TCF7L1: variants seen among roughly 807,000 people sequenced by gnomAD.
The protein encoded by TCF7L1 is transcription factor 7-like 1.
A neutral mutation model predicts 63.7 loss-of-function variants in TCF7L1; 18 were observed. That is an observed-to-expected ratio of 0.28 (90% confidence interval 0.20 to 0.42). TCF7L1 has a LOEUF of 0.42. TCF7L1 is among the 10% of genes least tolerant of loss of function. TCF7L1 has a pLI of 1.00. For missense variants in TCF7L1, 654 were observed against 779.3 expected, an observed-to-expected ratio of 0.84 and a Z score of 1.91; for synonymous variants, 355 against 340.9, an observed-to-expected ratio of 1.04 and a Z score of -0.46.
At chr2:85,141,858 T>C (rs1217732271) in intron 3 of TCF7L1, among the ~76,000 whole-genome samples, 1 of 152,152 alleles carries the variant, frequency 6.6e-6, no homozygotes, top group Non-Finnish European at 1.5e-5. Flanking sequence ...ATGGATAGTG[T>C]GCATTGGAGG....
intron 3 of TCF7L1, among the ~76,000 whole-genome samples, chr2:85,198,504 A>G (rs530437854): frequency 6.6e-4 from 101 of 152,328 alleles, no homozygotes; most frequent in African/African-American, 2.1e-3. Context: ...TTTCAGGCCC[A>G]GACAGACTCC....
intron 3 of TCF7L1, among the ~76,000 whole-genome samples, chr2:85,168,192 AACACACAC>A (rs55736939): frequency 3.4e-5 from 5 of 145,604 alleles, no homozygotes; most frequent in African/African-American, 7.6e-5. Flanking sequence ...GTTCTTACCA[AACACACAC>A]ACACACACAC....
intron 3 of TCF7L1, among the ~76,000 whole-genome samples, chr2:85,204,144 C>T (rs146530318): frequency 5.5e-4 from 84 of 152,292 alleles, no homozygotes; most frequent in African/African-American, 1.8e-3. Flanking sequence ...TTCTTTTCCC[C>T]TCTCTGCCTA....
intron 3 of TCF7L1, among the ~76,000 whole-genome samples, chr2:85,194,706 C>T (rs1247660042): frequency 1.3e-5 from 2 of 152,050 alleles, no homozygotes; most frequent in Non-Finnish European, 2.9e-5. Flanking sequence ...CAGTGTGTGC[C>T]ATATCACAGT....
intron 3 of TCF7L1, among the ~76,000 whole-genome samples, chr2:85,253,811 T>C (rs1488976586): frequency 6.6e-6 from 1 of 152,246 alleles, no homozygotes; most frequent in Non-Finnish European, 1.5e-5. Flanking sequence ...TGGATTATAC[T>C]AATACCTTTT....
At chr2:85,135,474 G>C (rs986161635) in intron 3 of TCF7L1, among the ~76,000 whole-genome samples, 5 of 152,180 alleles carry the variant, frequency 3.3e-5, no homozygotes, top group Non-Finnish European at 7.3e-5. Context: ...GTCGACGGTG[G>C]GTAAGGGGGC....
intron 3 of TCF7L1, among the ~76,000 whole-genome samples, chr2:85,190,323 C>T (rs1679015769): frequency 2.0e-5 from 3 of 152,032 alleles, no homozygotes; most frequent in Non-Finnish European, 4.4e-5. Context: ...CTTGGAGGGA[C>T]GAAGGACATT....
chr2:85,247,232 A>G (rs1680487413), intron 3 of TCF7L1, among the ~76,000 whole-genome samples: 1 of 152,226 alleles, frequency 6.6e-6, no homozygotes, highest in African/African-American at 2.4e-5. Flanking sequence ...ATTGTTATTA[A>G]TATCACCATG....
chr2:85,283,360 A>G, intron 3 of TCF7L1, 135 bp from the exon 4 acceptor site: 1 of 819,034 alleles, frequency 1.2e-6, no homozygotes, highest in Non-Finnish European at 2.1e-6. Flanking sequence ...TTGACCCAGT[A>G]CAGGGCATGT....
intron 4 of TCF7L1, among the ~76,000 whole-genome samples, chr2:85,298,246 A>G (rs1445718990): frequency 2.1e-5 from 3 of 145,628 alleles, no homozygotes; most frequent in African/African-American, 2.6e-5. Flanking sequence ...GTATCCCAGC[A>G]CTTTGGGAGG....
intron 5 of TCF7L1, among the ~76,000 whole-genome samples, chr2:85,303,040 T>C (rs1682023207): frequency 6.6e-6 from 1 of 152,214 alleles, no homozygotes; most frequent in African/African-American, 2.4e-5. Flanking sequence ...CTTTTATTTA[T>C]TTATTTATTT....
intron 3 of TCF7L1, among the ~76,000 whole-genome samples, chr2:85,258,348 C>T (rs544379834): frequency 6.6e-6 from 1 of 152,156 alleles, no homozygotes. Context: ...GATCCTGAGG[C>T]TTGAGAGCCT....
chr2:85,244,100 G>A (rs1368613841), intron 3 of TCF7L1, among the ~76,000 whole-genome samples: 1 of 152,214 alleles, frequency 6.6e-6, no homozygotes, highest in Non-Finnish European at 1.5e-5. Context: ...AGAGGGAACA[G>A]CAGGTGCAAA....
chr2:85,274,525 C>T (rs1398233230), intron 3 of TCF7L1, among the ~76,000 whole-genome samples: 6 of 152,136 alleles, frequency 3.9e-5, no homozygotes, highest in Non-Finnish European at 7.3e-5. Flanking sequence ...TTCCAGCCAT[C>T]CCAGCAAGTC....
At chr2:85,175,232 G>C (rs1226934675) in intron 3 of TCF7L1, among the ~76,000 whole-genome samples, 1 of 152,178 alleles carries the variant, frequency 6.6e-6, no homozygotes, top group African/African-American at 2.4e-5. Context: ...CAGGGGATCA[G>C]GTTTAAATCA....
rs181560440 is a variant in TCF7L1 at position 85,283,407 on chromosome 2, G to A, written c.442-88G>A. 1,566 of 1,434,336 alleles carry A rather than the reference G, an allele frequency of 1.1e-3. 3 individuals carry two copies. The highest frequency in any genetic ancestry group is 4.7e-3 in the African/African-American group (332 of 71,396). The allele number at this position is 1,434,336 out of a possible 1,614,324, so 88.9% of individuals were successfully genotyped here. A position where few individuals can be genotyped will look rare whatever the true frequency, so the allele number is the denominator to read the frequency against. ...GCAGGCCACCCCAATGGCCTGCCCCGGTGCCCTAACAGCAGAGCCCAGCAA... is the reference window on the plus strand; with the variant it reads ...GCAGGCCACCCCAATGGCCTGCCCCAGTGCCCTAACAGCAGAGCCCAGCAA... On this transcript the variant is annotated intron_variant, in intron 3 of 11. Coordinates refer to ENST00000282111, the MANE Select transcript of TCF7L1 (RefSeq NM_031283.3).
chr2:85,255,992 T>C (rs1459195790), intron 3 of TCF7L1, among the ~76,000 whole-genome samples: 1 of 152,136 alleles, frequency 6.6e-6, no homozygotes, highest in African/African-American at 2.4e-5. Context: ...AGAAGCTGCC[T>C]GGCAAATGGG....
At chr2:85,277,313 G>A (rs947368963) in intron 3 of TCF7L1, among the ~76,000 whole-genome samples, 4 of 152,066 alleles carry the variant, frequency 2.6e-5, no homozygotes, top group African/African-American at 9.7e-5. Context: ...TTTATAGTAC[G>A]GTTATAGTAT....
intron 3 of TCF7L1, among the ~76,000 whole-genome samples, chr2:85,182,489 A>C (rs968309543): frequency 6.6e-6 from 1 of 152,150 alleles, no homozygotes. Flanking sequence ...TGAAGGAATG[A>C]ATGAAGTGGG....
Sources: allele counts gnomAD v4.1 joint callset (sites outside exome capture counted in the v4.1 genomes callset), GRCh38; gene constraint gnomAD v4.1.1; transcripts MANE v1.5; gene names NCBI Gene and HGNC (gene_info 2026-07-23, HGNC 2026-07-21).